Variants in BLTP3B observed in about 807,000 individuals in gnomAD.
BLTP3B encodes the protein UHRF1 (ICBP90) binding protein 1-like.
chr12:100,131,138 C>T, the BLTP3B span, among the ~76,000 whole-genome samples: 2 of 150,854 alleles, frequency 1.3e-5, no homozygotes, highest in Non-Finnish European at 3.0e-5. Context: ...TGGCAAAATC[C>T]CATCTCTACC....
the BLTP3B span, among the ~76,000 whole-genome samples, chr12:100,069,646 G>C: frequency 6.6e-6 from 1 of 152,004 alleles, no homozygotes; most frequent in Admixed American, 6.6e-5. Context: ...TCATAACTGG[G>C]AGCTAAGCTA....
the BLTP3B span, among the ~76,000 whole-genome samples, chr12:100,038,606 G>T: frequency 6.6e-6 from 1 of 152,150 alleles, no homozygotes; most frequent in African/African-American, 2.4e-5. Flanking sequence ...AAAGTGCTGG[G>T]ATTACAGGCA....
chr12:100,086,352 T>C, the BLTP3B span: 1 of 800,382 alleles, frequency 1.2e-6, no homozygotes, highest in Non-Finnish European at 1.9e-6. Flanking sequence ...AATACGTCTG[T>C]TTGACTCTGG....
At chr12:100,048,409 G>GT in the BLTP3B span, among the ~76,000 whole-genome samples, 2 of 151,706 alleles carry the variant, frequency 1.3e-5, no homozygotes, top group African/African-American at 2.4e-5. Flanking sequence ...TGTATTTTCT[G>GT]TTTTTTTGAT....
the BLTP3B span, among the ~76,000 whole-genome samples, chr12:100,056,645 C>G: frequency 2.6e-5 from 4 of 151,684 alleles, no homozygotes; most frequent in South Asian, 2.1e-4. Context: ...TGAGACCAGC[C>G]TGGCCAACAT....
the BLTP3B span, among the ~76,000 whole-genome samples, chr12:100,062,358 TTA>T: frequency 2.0e-5 from 3 of 152,208 alleles, no homozygotes; most frequent in Non-Finnish European, 4.4e-5. Context: ...AAAACGAAAG[TTA>T]AGAGATTATA....
At chr12:100,085,926 T>C in the BLTP3B span, among the ~76,000 whole-genome samples, 1 of 152,060 alleles carries the variant, frequency 6.6e-6, no homozygotes. Context: ...TATAAATCAT[T>C]TAAAAATTTA....
At chr12:100,039,481 A>G in the BLTP3B span, 1 of 1,136,876 alleles carries the variant, frequency 8.8e-7, no homozygotes, top group Non-Finnish European at 1.2e-6. Flanking sequence ...CCTGGGCACA[A>G]TAACAAGCAC....
At chr12:100,072,885 C>T in the BLTP3B span, 1 of 1,479,338 alleles carries the variant, frequency 6.8e-7, no homozygotes, top group Admixed American at 2.7e-5. Context: ...GCAACCCAGA[C>T]AGTACTTTTA....
chr12:100,130,059 G>C, the BLTP3B span, among the ~76,000 whole-genome samples: 13 of 152,194 alleles, frequency 8.5e-5, no homozygotes, highest in African/African-American at 1.2e-4. Context: ...CCTGGTTCAA[G>C]TGATTCTCCT....
the BLTP3B span, among the ~76,000 whole-genome samples, chr12:100,141,422 T>TATATGTAC: frequency 7.0e-6 from 1 of 142,554 alleles, no homozygotes; most frequent in Non-Finnish European, 1.5e-5. Flanking sequence ...TGTATATGTA[T>TATATGTAC]ATATGTACAT....
chr12:100,069,445 T>C, the BLTP3B span, among the ~76,000 whole-genome samples: 7 of 152,056 alleles, frequency 4.6e-5, no homozygotes, highest in South Asian at 2.1e-4. Context: ...TGTATATACA[T>C]ACATATATGT....
At chr12:100,126,034 G>A in the BLTP3B span, among the ~76,000 whole-genome samples, 13 of 152,188 alleles carry the variant, frequency 8.5e-5, no homozygotes, top group Admixed American at 3.3e-4. Context: ...GGGAGGCTGA[G>A]GTGGGAGGAT....
At chr12:100,038,357 T>C in the BLTP3B span, among the ~76,000 whole-genome samples, 1 of 152,094 alleles carries the variant, frequency 6.6e-6, no homozygotes, top group African/African-American at 2.4e-5. Context: ...TTTTTTGAGA[T>C]GGAATTTCGC....
the BLTP3B span, among the ~76,000 whole-genome samples, chr12:100,107,723 A>G: frequency 6.6e-6 from 1 of 152,028 alleles, no homozygotes; most frequent in Non-Finnish European, 1.5e-5. Flanking sequence ...TTTGAAAAGT[A>G]TTTACTCACT....
At chr12:100,089,128 A>C in the BLTP3B span, 1 of 1,419,774 alleles carries the variant, frequency 7.0e-7, no homozygotes, top group Non-Finnish European at 9.3e-7. Context: ...TATCACTGCC[A>C]ATTTAAATAC....
At chr12:100,135,700 T>C in the BLTP3B span, among the ~76,000 whole-genome samples, 1 of 152,230 alleles carries the variant, frequency 6.6e-6, no homozygotes, top group Non-Finnish European at 1.5e-5. Flanking sequence ...ACTGATATAC[T>C]GTACTTACAC....
the BLTP3B span, among the ~76,000 whole-genome samples, chr12:100,123,748 T>C: frequency 6.7e-6 from 1 of 149,752 alleles, no homozygotes; most frequent in Middle Eastern, 3.2e-3. Context: ...TGGTTTAAAC[T>C]GCCTTTTTTT....
chr12:100,061,411 A>G, the BLTP3B span, among the ~76,000 whole-genome samples: 4 of 152,138 alleles, frequency 2.6e-5, no homozygotes, highest in African/African-American at 9.7e-5. Flanking sequence ...TAATCCCAGC[A>G]CTTTGGGAGG....
Sources: gnomAD v4.1 joint callset for allele counts (sites outside exome capture counted in the v4.1 genomes callset) on GRCh38, gnomAD v4.1.1 for gene constraint, MANE v1.5 for transcripts, NCBI Gene and HGNC (gene_info 2026-07-23, HGNC 2026-07-21) for gene names.